FAM89A: variants seen among roughly 807,000 people sequenced by gnomAD.
FAM89A encodes the protein family with sequence similarity 89 member A, also known as protein FAM89A.
FAM89A carries 10 observed loss-of-function variants against 7.1 expected under a neutral mutation model. The ratio of observed to expected loss-of-function variants is 1.40; its 90% confidence interval spans 0.86 to 2.38. The LOEUF is 2.38. Ranked by LOEUF, FAM89A falls within the 30% of genes most tolerant of loss-of-function variation. The pLI, the probability that FAM89A is intolerant of heterozygous loss-of-function variation, is 0.00. For missense variants in FAM89A, 276 were observed against 262.8 expected (o/e 1.05, Z -0.35); for synonymous variants, 157 against 129.3 (o/e 1.21, Z -1.45).
chr1:231,034,894 T>G lies in FAM89A; in HGVS notation c.291+5027A>C, dbSNP rs1159805083. Among the ~76,000 whole-genome samples, 7 of 151,776 alleles carry G rather than the reference T, an allele frequency of 4.6e-5. No homozygotes were observed. The East Asian group carries it at 7.7e-4, about 17-fold the overall frequency. ...GCCTAGGAGATTCTGGAGCTGGCGGTCCATCCTTTGGGGATCGCTGTGCTA... is the reference window on the plus strand; with the variant it reads ...GCCTAGGAGATTCTGGAGCTGGCGGGCCATCCTTTGGGGATCGCTGTGCTA... On this transcript the variant is annotated intron_variant, in intron 1 of 1. Transcript: ENST00000366654.
chr1:231,038,159 C>T (rs980669796), intron 1 of FAM89A, among the ~76,000 whole-genome samples: 1 of 152,204 alleles, frequency 6.6e-6, no homozygotes, highest in African/African-American at 2.4e-5. Context: ...CTTGTCAAAA[C>T]CTGCAGCCAT....
rs1449197705 is a variant in FAM89A, at chr1:231,038,867, A to G, written c.291+1054T>C. ...ATTTAAAAGATTCCTATAACAATTTATTTTTTGGCAAATTTAGTTTTGGGA... is the reference window on the plus strand; with the variant it reads ...ATTTAAAAGATTCCTATAACAATTTGTTTTTTGGCAAATTTAGTTTTGGGA... On this transcript the variant is annotated intron_variant, in intron 1 of 1. Transcript: ENST00000366654. 3.3e-5 allele frequency among the ~76,000 whole-genome samples: 5 copies of G among 152,200 alleles called. No individual in the cohort carries two copies. In the South Asian group the frequency reaches 1.0e-3, roughly 31 times the overall value.
At chr1:231,032,044 C>T (rs11122195) in intron 1 of FAM89A, among the ~76,000 whole-genome samples, 69,989 of 151,910 alleles carry the variant, frequency 0.46, 16,375 homozygotes, top group Non-Finnish European at 0.51. Flanking sequence ...GGAAGAAAGA[C>T]GTTTACCAAT....
chr1:231,034,165 T>G (rs1008117069), intron 1 of FAM89A, among the ~76,000 whole-genome samples: 6 of 152,128 alleles, frequency 3.9e-5, no homozygotes, highest in African/African-American at 9.7e-5. Context: ...AGCAACTAGG[T>G]ATAGCTGTGA....
chr1:231,022,036 C>T (rs1679888112), intron 1 of FAM89A: 9 of 1,398,556 alleles, frequency 6.4e-6, no homozygotes, highest in Admixed American at 3.3e-5. Context: ...ATTCAGAGAT[C>T]GTGCAGAATA....
intron 1 of FAM89A, among the ~76,000 whole-genome samples, chr1:231,020,399 G>A (rs754614897): frequency 1.3e-5 from 2 of 152,190 alleles, no homozygotes; most frequent in African/African-American, 4.8e-5. Context: ...GCTCCTGAGT[G>A]TGCCTGATGA....
intron 1 of FAM89A, among the ~76,000 whole-genome samples, chr1:231,024,644 C>A (rs1679933018): frequency 6.6e-6 from 1 of 151,952 alleles, no homozygotes; most frequent in Non-Finnish European, 1.5e-5. Flanking sequence ...TCAAGGGATC[C>A]TCCTGCCTCA....
At chr1:231,025,174 G>A (rs531088200) in intron 1 of FAM89A, among the ~76,000 whole-genome samples, 32 of 151,998 alleles carry the variant, frequency 2.1e-4, no homozygotes, top group Non-Finnish European at 3.5e-4. Context: ...CACCCGCCTC[G>A]GCCTCCCAGA....
chr1:231,024,470 A>G lies in FAM89A; in HGVS notation c.292-4344T>C, dbSNP rs139648981. On this transcript the variant is annotated intron_variant, in intron 1 of 1. Transcript: ENST00000366654. ...AGTGAACACTGGCTGTCTCTCTACT[A>G]TGGCCTGAATAGACCATAAAAATCA... Among the ~76,000 whole-genome samples the G allele has an allele frequency of 3.0e-3, 457 of 151,902 alleles. 15 individuals are homozygous for G. Among genetic ancestry groups the G allele is most frequent in the Admixed American group, 0.027 (407 of 15,224 alleles).
intron 1 of FAM89A, among the ~76,000 whole-genome samples, chr1:231,030,849 C>T (rs573210594): frequency 9.8e-5 from 15 of 152,298 alleles, no homozygotes; most frequent in South Asian, 4.1e-4. Flanking sequence ...GTGACTTACA[C>T]CTGTAATTCC....
chr1:231,023,484 A>G (rs576797873), intron 1 of FAM89A, among the ~76,000 whole-genome samples: 155 of 152,338 alleles, frequency 1.0e-3, no homozygotes, highest in African/African-American at 3.0e-3. Flanking sequence ...GGCTTCAAGC[A>G]AAACAAACAG....
intron 1 of FAM89A, among the ~76,000 whole-genome samples, chr1:231,023,893 T>C (rs1679919328): frequency 6.6e-6 from 1 of 152,190 alleles, no homozygotes; most frequent in South Asian, 2.1e-4. Context: ...AGTCCACTAA[T>C]AAAATATGGT....
In FAM89A at chr1:231,025,618, C is replaced by T. The variant is rs138450229; in HGVS notation, c.292-5492G>A. On this transcript the variant is annotated intron_variant, in intron 1 of 1. Transcript: ENST00000366654. ...CTTGCTCTTTTTCTTGATTAGAGTT[C>T]GAAAGGATGTGTGTCTGTCAAGAGG... is the stretch of plus-strand genomic sequence containing the variant. 1.6e-3 allele frequency among the ~76,000 whole-genome samples: 246 copies of T among 151,694 alleles called. 3 individuals are homozygous for T. The highest frequency in any genetic ancestry group is 5.7e-3 in the African/African-American group (235 of 41,312).
chr1:231,024,459 G>A (rs1009477785), intron 1 of FAM89A, among the ~76,000 whole-genome samples: 3 of 151,330 alleles, frequency 2.0e-5, no homozygotes, highest in African/African-American at 7.3e-5. Flanking sequence ...AACACTGGCT[G>A]TCTCTCTACT....
At position 231,028,907 on chromosome 1, in the gene FAM89A, C is replaced by T. The variant is rs114600495; in HGVS notation, c.292-8781G>A. The stretch of plus-strand genomic sequence containing the variant: ...AATGGGGCCAAACAAGCCCAAACCA[C>T]CCTTGAAACTGCTTCCTTTCACTTG... On this transcript the variant is annotated intron_variant, in intron 1 of 1. Coordinates refer to ENST00000366654, the MANE Select transcript of FAM89A (RefSeq NM_198552.3). Among the ~76,000 whole-genome samples, 825 of 152,324 alleles carry T rather than the reference C, an allele frequency of 5.4e-3. 9 individuals carry two copies. The highest frequency in any genetic ancestry group is 0.019 in the African/African-American group (779 of 41,568).
chr1:231,038,839 C>A (rs1680201119), intron 1 of FAM89A, among the ~76,000 whole-genome samples: 1 of 152,136 alleles, frequency 6.6e-6, no homozygotes, highest in African/African-American at 2.4e-5. Context: ...GCACTAGATA[C>A]ATATTTAAAA....
In FAM89A at chr1:231,020,120, G is replaced by C; in HGVS notation, c.298C>G (p.Leu100Val). The change falls in exon 2 of 2, where the codon CTC (leucine) becomes GTC (valine). Residue 100 changes from leucine to valine, a missense_variant. By Grantham distance (32) the Leu-to-Val change is conservative. Coordinates refer to ENST00000366654, the MANE Select transcript of FAM89A (RefSeq NM_198552.3). ...AGCAAGGACATGTCCAGCTGGCGGA[G>C]ACCAACCTTGAGGGAAGGGGTGGGG... The part of the protein sequence containing the change: ...LALLRKEMVG[L>V]RQLDMSLLCQ... 6.2e-7 allele frequency: 1 copy of C among 1,605,618 alleles called. No homozygotes were observed. The highest frequency in any genetic ancestry group is 8.5e-7 in the Non-Finnish European group (1 of 1,173,856).
Position 231,019,193 on chromosome 1 carries a change from A to G in FAM89A, c.*670T>C, listed in dbSNP as rs1223760896. 7.3e-6 allele frequency: 1 copy of G among 137,642 alleles called. No homozygotes were observed. The highest frequency in any genetic ancestry group is 2.2e-4 in the South Asian group (1 of 4,466). 8.5% of individuals were successfully genotyped at this position (137,642 alleles called of 1,614,324 possible). ...TTGTGTTCTTTTTTTTTTTTTCACT[A>G]TTCAACATGTCTTCGTATTATCTTC... is the stretch of plus-strand genomic sequence containing the variant. On this transcript the variant is annotated 3_prime_UTR_variant, in exon 2 of 2. Coordinates refer to ENST00000366654, the MANE Select transcript of FAM89A (RefSeq NM_198552.3).
At chr1:231,024,619 C>G (rs1167329113) in intron 1 of FAM89A, among the ~76,000 whole-genome samples, 2 of 151,934 alleles carry the variant, frequency 1.3e-5, no homozygotes, top group Non-Finnish European at 2.9e-5. Context: ...TCACTGCCAC[C>G]TCAAGCTCCT....
Sources: gnomAD v4.1 joint callset for allele counts (sites outside exome capture counted in the v4.1 genomes callset) on GRCh38, gnomAD v4.1.1 for gene constraint, MANE v1.5 for transcripts, NCBI Gene and HGNC (gene_info 2026-07-23, HGNC 2026-07-21) for gene names.